The following SH3BP4 variants were observed in gnomAD, a reference collection of about 807,000 sequenced individuals.
The protein encoded by SH3BP4 is SH3 domain-binding protein 4.
In SH3BP4, 33 loss-of-function variants were observed where a neutral mutation model predicts 65.5. The observed-to-expected ratio is 0.50, with a 90% CI of 0.38 to 0.67. The LOEUF (loss-of-function observed/expected upper bound fraction) is 0.67, where lower values mean the gene tolerates loss of function less well. Among genes scored for constraint, SH3BP4 ranks in the 30% least tolerant of loss-of-function variants. SH3BP4 has a pLI of 0.00. For missense variants in SH3BP4, 1,134 were observed against 1,261.4 expected (o/e 0.90, Z 1.53); for synonymous variants, 552 against 545.5 (o/e 1.01, Z -0.17).
In SH3BP4 at chr2:234,992,316, T is replaced by A. The variant is rs1053352553; in HGVS notation, c.-206-2987T>A. Among the ~76,000 whole-genome samples the A allele has an allele frequency of 2.0e-5, 3 of 152,106 alleles. No homozygotes were observed. The East Asian group carries it at 5.8e-4, about 29-fold the overall frequency. On this transcript the variant is annotated intron_variant, in intron 1 of 5. Coordinates refer to ENST00000392011, the MANE Select transcript of SH3BP4 (RefSeq NM_014521.3). ...GGCGAGGCTGAGGCCCTGGACCACA[T>A]GCAGGTCGTTTTCTTCGGGGTGGCT...
chr2:235,051,654 C>G (rs1696057832), intron 4 of SH3BP4, among the ~76,000 whole-genome samples: 2 of 152,032 alleles, frequency 1.3e-5, no homozygotes, highest in Admixed American at 1.3e-4. Context: ...TGTGCATCTC[C>G]TGGTCACCGT....
At chr2:234,975,538 G>A (rs550462420) in intron 1 of SH3BP4, among the ~76,000 whole-genome samples, 15 of 152,172 alleles carry the variant, frequency 9.9e-5, no homozygotes, top group South Asian at 2.1e-4. Context: ...GGAAACTGAG[G>A]CACCGAGCAG....
chr2:235,038,366 A>ATATTTT (rs1248934629), intron 3 of SH3BP4, among the ~76,000 whole-genome samples: 2,333 of 39,462 alleles, frequency 0.059, 287 homozygotes, highest in African/African-American at 0.18. Flanking sequence ...ATATATATAT[A>ATATTTT]ATATATATAC....
chr2:235,036,740 A>AAAAAAAAAATAATAATAATAATAAT (rs146049108), intron 3 of SH3BP4, among the ~76,000 whole-genome samples: 6 of 141,770 alleles, frequency 4.2e-5, no homozygotes, highest in Non-Finnish European at 6.1e-5. Flanking sequence ...TCTATATAAA[A>AAAAAAAAAATAATAATAATAATAAT]AATAATAATA....
Position 234,991,676 on chromosome 2 carries a change from C to T in SH3BP4, c.-206-3627C>T, listed in dbSNP as rs1009923235. Among the ~76,000 whole-genome samples, 2 of 152,200 alleles carry T rather than the reference C, an allele frequency of 1.3e-5. No homozygotes were observed. Among genetic ancestry groups the T allele is most frequent in the Non-Finnish European group, 2.9e-5 (2 of 68,040 alleles). On this transcript the variant is annotated intron_variant, in intron 1 of 5. Transcript: ENST00000392011. The surrounding 1 kb of genome is among the most constrained non-coding windows in gnomAD (Gnocchi z 4.2). ...ACAGTGCTTGACTGAAAGATCGTACCCCCCTCTTCTCAGCAAGGCGGTCCT... is the reference window on the plus strand; with the variant it reads ...ACAGTGCTTGACTGAAAGATCGTACTCCCCTCTTCTCAGCAAGGCGGTCCT...
chr2:234,985,768 G>A (rs1164468742), intron 1 of SH3BP4, among the ~76,000 whole-genome samples: 3 of 151,974 alleles, frequency 2.0e-5, no homozygotes, highest in Non-Finnish European at 4.4e-5. Flanking sequence ...ACACGCCTAC[G>A]AGCTCAAGGA....
chr2:235,053,873 C>A lies in SH3BP4; in HGVS notation c.*57C>A. ...TGCAAGCCCTCTTCTGCCCTGCGTG[C>A]CCTGCTGTCACCGCGGAGCTGAAGA... On this transcript the variant is annotated 3_prime_UTR_variant, in exon 6 of 6. Coordinates refer to ENST00000392011, the MANE Select transcript of SH3BP4 (RefSeq NM_014521.3). The A allele has an allele frequency of 7.3e-7, 1 of 1,368,930 alleles. No homozygotes were observed. The highest frequency in any genetic ancestry group is 1.0e-6 in the Non-Finnish European group (1 of 960,530). The allele number at this position is 1,368,930 out of a possible 1,614,324, so 84.8% of individuals were successfully genotyped here.
intron 1 of SH3BP4, among the ~76,000 whole-genome samples, chr2:234,972,460 TG>T (rs1693030274): frequency 6.6e-6 from 1 of 152,018 alleles, no homozygotes; most frequent in South Asian, 2.1e-4. Flanking sequence ...TTTCTTTTTT[TG>T]GTAGAGATGG....
chr2:235,049,622 CA>C (rs1695980436), intron 4 of SH3BP4, among the ~76,000 whole-genome samples: 1 of 152,192 alleles, frequency 6.6e-6, no homozygotes, highest in African/African-American at 2.4e-5. Flanking sequence ...TCTTCTGAAA[CA>C]AATCTAGTCA....
At chr2:235,006,903 A>T (rs1381824591) in intron 2 of SH3BP4, among the ~76,000 whole-genome samples, 1 of 151,904 alleles carries the variant, frequency 6.6e-6, no homozygotes, top group African/African-American at 2.4e-5. Flanking sequence ...AGTGAAGAAG[A>T]TTGGGGGTGC....
At chr2:234,985,066 C>A (rs1054983838) in intron 1 of SH3BP4, among the ~76,000 whole-genome samples, 4 of 152,180 alleles carry the variant, frequency 2.6e-5, no homozygotes, top group Non-Finnish European at 5.9e-5. Flanking sequence ...GCAGCGCATC[C>A]TCCATCCTGC....
At position 235,042,929 on chromosome 2, in the gene SH3BP4, G is replaced by A. The variant is rs779488106; in HGVS notation, c.2160G>A (p.Leu720=). ...GCCTCGTGCACACCAAGAACGTGCT[G>A]GTGGTCGGCAGGGCCCGGCCCAGCC... ...RVGLVHTKNV[L]VVGRARPSLC... is the part of the protein sequence containing the mutation. The change falls in exon 4 of 6, where the codon CTG becomes CTA. Residue 720 remains leucine (L), a synonymous_variant. Transcript: ENST00000392011. The surrounding 1 kb of genome is among the most constrained non-coding windows in gnomAD (Gnocchi z 7.3). 1.2e-6 allele frequency: 2 copies of A among 1,613,172 alleles called. No individual in the cohort carries two copies. The highest frequency in any genetic ancestry group is 1.7e-6 in the Non-Finnish European group (2 of 1,179,860).
chr2:234,958,793 G>A (rs1400065790), intron 1 of SH3BP4, among the ~76,000 whole-genome samples: 1 of 152,134 alleles, frequency 6.6e-6, no homozygotes, highest in Non-Finnish European at 1.5e-5. Context: ...CCCTGTCACT[G>A]TGGTAGTGGA....
chr2:235,000,671 A>G (rs1694070246), intron 2 of SH3BP4, among the ~76,000 whole-genome samples: 1 of 152,154 alleles, frequency 6.6e-6, no homozygotes, highest in East Asian at 1.9e-4. Context: ...TGTGCTCTGA[A>G]TCTCCTTTCC....
chr2:235,035,815 T>G lies in SH3BP4; in HGVS notation c.118+695T>G, dbSNP rs539458471. Among the ~76,000 whole-genome samples the G allele has an allele frequency of 6.6e-6, 1 of 152,332 alleles. No individual in the cohort carries two copies. Among genetic ancestry groups the G allele is most frequent in the South Asian group, 2.1e-4 (1 of 4,828 alleles). The stretch of plus-strand genomic sequence containing the variant: ...GGACACCAAGGTGAATACTAGCAGG[T>G]CATTTTCTTCCTGCACATCTGCCCT... On this transcript the variant is annotated intron_variant, in intron 3 of 5. Coordinates refer to ENST00000392011, the MANE Select transcript of SH3BP4 (RefSeq NM_014521.3). This position sits in a 1 kb window ranked among gnomAD's most constrained non-coding sequence, Gnocchi z 5.0.
intron 2 of SH3BP4, among the ~76,000 whole-genome samples, chr2:234,999,137 C>T (rs1322599675): frequency 1.3e-5 from 2 of 152,260 alleles, no homozygotes; most frequent in South Asian, 2.1e-4. Flanking sequence ...GGAATCTGGA[C>T]GGAGGAGAAA....
At chr2:235,028,000 G>A (rs889916171) in intron 2 of SH3BP4, among the ~76,000 whole-genome samples, 2 of 152,208 alleles carry the variant, frequency 1.3e-5, no homozygotes, top group African/African-American at 2.4e-5. Context: ...GGCTTCTTGA[G>A]TTTGCCGCCG....
rs1559254205 is a variant in SH3BP4, at chr2:235,038,291, T to TATATATTATATA, written c.119-2591_119-2590insTATATAATATAT. On this transcript the variant is annotated intron_variant, in intron 3 of 5. Coordinates refer to ENST00000392011, the MANE Select transcript of SH3BP4 (RefSeq NM_014521.3). ...TATATATAATATATATTATATATAATATATATATTATATATATATATTATA... is the reference window on the plus strand; with the variant it reads ...TATATATAATATATATTATATATAATATATATTATATAATATATATTATATATATATATTATA... 3.6e-4 allele frequency among the ~76,000 whole-genome samples: 7 copies of TATATATTATATA among 19,304 alleles called. No individual in the cohort carries two copies. In the African/African-American group the frequency reaches 4.7e-3, roughly 13 times the overall value. 12.7% of individuals were successfully genotyped at this position (19,304 alleles called of 152,430 possible). A position where few individuals can be genotyped will look rare whatever the true frequency, so the allele number is the denominator to read the frequency against.
intron 3 of SH3BP4, among the ~76,000 whole-genome samples, chr2:235,038,739 GC>G: frequency 6.6e-6 from 1 of 152,014 alleles, no homozygotes; most frequent in East Asian, 2.0e-4. Context: ...TATAGGGAGG[GC>G]CCCTCCCACT....
Sources: allele counts gnomAD v4.1 joint callset (sites outside exome capture counted in the v4.1 genomes callset), GRCh38; gene constraint gnomAD v4.1.1; non-coding constraint Gnocchi (gnomAD v3.1); transcripts MANE v1.5; gene names NCBI Gene and HGNC (gene_info 2026-07-23, HGNC 2026-07-21).